NPHP4: variants seen among roughly 807,000 people sequenced by gnomAD.
NPHP4 encodes the protein nephrocystin 4.
In NPHP4, 151 loss-of-function variants were observed where a neutral mutation model predicts 155.8. That is an observed-to-expected ratio of 0.97 (90% CI 0.85 to 1.11). NPHP4 has a LOEUF of 1.11. Among genes scored for constraint, NPHP4 ranks in the 50% least tolerant of loss-of-function variants. The probability of loss-of-function intolerance (pLI) is 0.00; values close to 1 mark genes in which losing one functional copy is unlikely to be tolerated. For synonymous variants in NPHP4, 845 were observed against 816.8 expected (o/e 1.03, Z -0.59); for missense variants, 1,956 against 1,925.7 (o/e 1.02, Z -0.29).
At chr1:5,921,859 G>A (rs1302513289) in intron 11 of NPHP4, among the ~76,000 whole-genome samples, 3 of 152,204 alleles carry the variant, frequency 2.0e-5, no homozygotes, top group Admixed American at 6.5e-5. Context: ...TATTTTCCAT[G>A]TGGGCAAGGG....
chr1:5,987,062 C>G (rs1655594826), intron 1 of NPHP4, among the ~76,000 whole-genome samples: 1 of 151,894 alleles, frequency 6.6e-6, no homozygotes, highest in Admixed American at 6.6e-5. Flanking sequence ...CACTGGGTCC[C>G]CATGTCATTA....
intron 3 of NPHP4, among the ~76,000 whole-genome samples, chr1:5,977,833 T>C (rs114614010): frequency 0.093 from 863 of 9,244 alleles, 6 homozygotes; most frequent in Non-Finnish European, 0.12. Context: ...AGTTTGTCTA[T>C]ACAGGAGGGA....
chr1:5,876,754 A>G, intron 20 of NPHP4: 1 of 261,290 alleles, frequency 3.8e-6, no homozygotes, highest in Non-Finnish European at 7.2e-6. Context: ...AACCCAGGAT[A>G]TGTCAGTTGT....
chr1:5,982,434 T>C (rs1654857916), intron 2 of NPHP4, among the ~76,000 whole-genome samples: 2 of 152,236 alleles, frequency 1.3e-5, no homozygotes, highest in Non-Finnish European at 2.9e-5. Flanking sequence ...CTCTACCCTC[T>C]AGGTTTACGT....
intron 6 of NPHP4, among the ~76,000 whole-genome samples, chr1:5,953,145 C>T (rs953093272): frequency 2.0e-5 from 3 of 152,176 alleles, no homozygotes; most frequent in African/African-American, 4.8e-5. Context: ...CTCGTTCTGT[C>T]GCCCAGGCTG....
At chr1:5,873,989 A>G in intron 22 of NPHP4, 1 of 216,660 alleles carries the variant, frequency 4.6e-6, no homozygotes, top group Non-Finnish European at 9.2e-6. Flanking sequence ...CTGCACACAC[A>G]CCTCACATAC....
chr1:5,915,997 T>G (rs1378104665), intron 11 of NPHP4, among the ~76,000 whole-genome samples: 1 of 152,110 alleles, frequency 6.6e-6, no homozygotes, highest in Non-Finnish European at 1.5e-5. Flanking sequence ...GGAATCTAAC[T>G]CCACGTGTCC....
At chr1:5,878,017 C>A (rs1184893447) in intron 19 of NPHP4, among the ~76,000 whole-genome samples, 1 of 152,246 alleles carries the variant, frequency 6.6e-6, no homozygotes, top group Non-Finnish European at 1.5e-5. Context: ...GGTGACCAGG[C>A]CACGCCAAAG....
At chr1:5,880,062 T>A in intron 19 of NPHP4, 52 bp downstream of exon 19, 2 of 1,605,508 alleles carry the variant, frequency 1.2e-6, no homozygotes, top group East Asian at 2.2e-5. Context: ...CTTCCACCTC[T>A]CACCCACCAC....
intron 16 of NPHP4, among the ~76,000 whole-genome samples, chr1:5,893,077 C>T (rs1368675663): frequency 6.6e-6 from 1 of 152,168 alleles, no homozygotes; most frequent in Non-Finnish European, 1.5e-5. Flanking sequence ...CAGGGATCGA[C>T]CTTAACGCAG....
chr1:5,880,487 G>C (rs551594938), intron 18 of NPHP4: 2 of 494,456 alleles, frequency 4.0e-6, no homozygotes, highest in South Asian at 2.3e-5. Flanking sequence ...TCCTGGTGAC[G>C]AATGAAAGCG....
Position 5,964,928 on chromosome 1 carries a change from T to C in NPHP4, c.517+2371A>G, listed in dbSNP as rs1443913058. On this transcript the variant is annotated intron_variant, in intron 5 of 29. Transcript: ENST00000378156. ...ATAATACATATATATTATATATATA[T>C]ATATATATATATATTTTTTTTTTTT... Among the ~76,000 whole-genome samples the C allele has an allele frequency of 1.7e-3, 60 of 35,188 alleles. 3 individuals are homozygous for C. Among genetic ancestry groups the C allele is most frequent in the East Asian group, 2.1e-3 (3 of 1,462 alleles). The allele number at this position is 35,188 out of a possible 152,430, so 23.1% of individuals were successfully genotyped here. A position where few individuals can be genotyped will look rare whatever the true frequency, so the allele number is the denominator to read the frequency against.
chr1:5,948,699 C>T (rs11120873), intron 7 of NPHP4, among the ~76,000 whole-genome samples: 27,124 of 151,676 alleles, frequency 0.18, 2,512 homozygotes, highest in African/African-American at 0.22. Context: ...CCCTGGACGA[C>T]GATGGAGAGG....
At chr1:5,935,039 G>A (rs913871709) in intron 9 of NPHP4, among the ~76,000 whole-genome samples, 3 of 152,106 alleles carry the variant, frequency 2.0e-5, no homozygotes, top group Non-Finnish European at 4.4e-5. Flanking sequence ...GGACACAGAT[G>A]GCCCCATGGT....
At chr1:5,925,975 T>C (rs553806752) in intron 11 of NPHP4, among the ~76,000 whole-genome samples, 35 of 152,370 alleles carry the variant, frequency 2.3e-4, no homozygotes, top group African/African-American at 7.9e-4. Flanking sequence ...TTTGAAATTA[T>C]GTGTCCTATG....
chr1:5,935,116 T>G (rs1557772995), intron 9 of NPHP4, among the ~76,000 whole-genome samples: 1 of 152,200 alleles, frequency 6.6e-6, no homozygotes, highest in Non-Finnish European at 1.5e-5. Flanking sequence ...AGAAAACAGT[T>G]CTTGTTTCTT....
intron 7 of NPHP4, among the ~76,000 whole-genome samples, chr1:5,951,261 A>G (rs539582161): frequency 6.6e-6 from 1 of 152,280 alleles, no homozygotes; most frequent in African/African-American, 2.4e-5. Flanking sequence ...CAGTCACACA[A>G]TTGCATTCTG....
intron 16 of NPHP4, among the ~76,000 whole-genome samples, chr1:5,896,164 T>A (rs886105121): frequency 1.3e-5 from 2 of 152,220 alleles, no homozygotes; most frequent in Non-Finnish European, 2.9e-5. Flanking sequence ...AAAGTCTGGT[T>A]ACTGTTGTTA....
chr1:5,867,732 G>T lies in NPHP4; in HGVS notation c.3472+8C>A. The T allele has an allele frequency of 6.2e-7, 1 of 1,608,298 alleles. No homozygotes were observed. ...ACATGTGGGCTGCAGGGTCAGTGCA[G>T]GACCTGCCTGGAAATGTGTGCCAGG... On this transcript the variant is annotated splice_region_variant and intron_variant, in intron 24 of 29. Transcript: ENST00000378156. This position sits in a 1 kb window ranked among gnomAD's most constrained non-coding sequence, Gnocchi z 4.1.
Sources: gnomAD v4.1 joint callset for allele counts (sites outside exome capture counted in the v4.1 genomes callset) on GRCh38, gnomAD v4.1.1 for gene constraint, Gnocchi (gnomAD v3.1) non-coding constraint, MANE v1.5 for transcripts, NCBI Gene and HGNC (gene_info 2026-07-23, HGNC 2026-07-21) for gene names.